Variants in SAXO1 observed in about 807,000 individuals in gnomAD.
SAXO1 encodes the protein 4930500O09Rik.
Under a neutral mutation model 17.5 loss-of-function variants are expected in SAXO1, and 21 were observed. The ratio of observed to expected loss-of-function variants is 1.20; its 90% confidence interval spans 0.85 to 1.72. SAXO1 has a LOEUF of 1.72. Among genes scored for constraint, SAXO1 ranks in the 40% most tolerant of loss-of-function variants. The pLI, the probability that SAXO1 is intolerant of heterozygous loss-of-function variation, is 0.00. For synonymous variants in SAXO1, 274 were observed against 216.5 expected (o/e 1.27, Z -2.33); for missense variants, 843 against 596.0 (o/e 1.41, Z -4.32).
chr9:19,003,412 C>A (rs748866181), intron 1 of SAXO1, among the ~76,000 whole-genome samples: 17 of 152,096 alleles, frequency 1.1e-4, no homozygotes, highest in Non-Finnish European at 1.9e-4. Flanking sequence ...TCATATGGAA[C>A]CAAAAAAGAG....
At chr9:18,957,316 G>A (rs369132303) in intron 1 of SAXO1, among the ~76,000 whole-genome samples, 7 of 152,280 alleles carry the variant, frequency 4.6e-5, no homozygotes, top group African/African-American at 1.7e-4. Context: ...GAAATAAAAT[G>A]GAACGCTAGA....
intron 3 of SAXO1, 142 bp from the exon 4 acceptor site, chr9:18,929,197 C>T: frequency 1.1e-6 from 1 of 933,480 alleles, no homozygotes; most frequent in Non-Finnish European, 1.6e-6. Context: ...TCCCTGCTAC[C>T]ACTTCATTCA....
intron 3 of SAXO1, among the ~76,000 whole-genome samples, chr9:18,930,025 G>A (rs1029483161): frequency 6.6e-6 from 1 of 152,198 alleles, no homozygotes; most frequent in Non-Finnish European, 1.5e-5. Context: ...GAGGAGCTAA[G>A]AAACTTGCCC....
intron 1 of SAXO1, among the ~76,000 whole-genome samples, chr9:18,962,221 C>A (rs1023810094): frequency 6.6e-6 from 1 of 152,208 alleles, no homozygotes; most frequent in Non-Finnish European, 1.5e-5. Flanking sequence ...GCATGTGCCA[C>A]CACACCCGGC....
chr9:19,034,441 C>T (rs981650661), upstream of SAXO1, among the ~76,000 whole-genome samples: 7 of 152,106 alleles, frequency 4.6e-5, no homozygotes, highest in Admixed American at 3.3e-4. Flanking sequence ...ACAAATGAAA[C>T]TTACCTAAAA....
intron 3 of SAXO1, among the ~76,000 whole-genome samples, chr9:18,939,160 C>T (rs142060277): frequency 6.6e-6 from 1 of 152,318 alleles, no homozygotes; most frequent in Non-Finnish European, 1.5e-5. Flanking sequence ...TTATTCCCTC[C>T]ACCCATCGTG....
Position 19,001,715 on chromosome 9 carries a change from G to A in SAXO1, c.38+31156C>T, listed in dbSNP as rs1050838262. 5.3e-5 allele frequency among the ~76,000 whole-genome samples: 8 copies of A among 150,920 alleles called. No individual in the cohort carries two copies. The East Asian group carries it at 1.2e-3, about 22-fold the overall frequency. On this transcript the variant is annotated intron_variant, in intron 1 of 3. Transcript: ENST00000380534. The stretch of plus-strand genomic sequence containing the variant: ...AAACCAATGAGAACAAAGACACAAC[G>A]TACCAGAATATCTGAGACACATTTA...
intron 1 of SAXO1, among the ~76,000 whole-genome samples, chr9:19,044,594 T>A (rs1253439283): frequency 6.6e-6 from 1 of 152,158 alleles, no homozygotes; most frequent in Non-Finnish European, 1.5e-5. Context: ...GCGGGCGCGG[T>A]AGCTCACGCC....
intron 1 of SAXO1, among the ~76,000 whole-genome samples, chr9:19,011,419 C>A (rs1197189487): frequency 6.6e-6 from 1 of 152,184 alleles, no homozygotes; most frequent in Non-Finnish European, 1.5e-5. Flanking sequence ...CAAAACATGG[C>A]TGAAAGAGAC....
chr9:18,928,855 TGTA>T lies in SAXO1; in HGVS notation c.619_621del (p.Tyr207del), dbSNP rs780715421. 4 of 1,614,000 alleles carry T rather than the reference TGTA, an allele frequency of 2.5e-6. No individual in the cohort carries two copies. The African/African-American group carries it at 5.3e-5, about 22-fold the overall frequency. On this transcript the variant is annotated inframe_deletion, in exon 4 of 4. Coordinates refer to ENST00000380534, the MANE Select transcript of SAXO1 (RefSeq NM_153707.4). ...ACGGGGTGGGCCACATAGCTCATCT[TGTA>T]GTTAGTCACATCCTCCAAGGGGATG...
chr9:18,970,332 C>G (rs1192961726), intron 1 of SAXO1, among the ~76,000 whole-genome samples: 2 of 152,206 alleles, frequency 1.3e-5, no homozygotes, highest in African/African-American at 2.4e-5. Context: ...TCCACAAGTC[C>G]CTTTCCTCAT....
At chr9:18,990,769 C>G (rs115742551) in intron 1 of SAXO1, among the ~76,000 whole-genome samples, 2 of 152,168 alleles carry the variant, frequency 1.3e-5, no homozygotes, top group Admixed American at 1.3e-4. Context: ...CAAACCCTAT[C>G]AGTGAACTGC....
At chr9:18,981,501 C>G (rs1406430312) in intron 1 of SAXO1, among the ~76,000 whole-genome samples, 1 of 152,162 alleles carries the variant, frequency 6.6e-6, no homozygotes, top group Non-Finnish European at 1.5e-5. Flanking sequence ...GGCTAAAGCC[C>G]CTCACACAGA....
intron 1 of SAXO1, among the ~76,000 whole-genome samples, chr9:18,986,582 C>A (rs12552916): frequency 0.075 from 11,240 of 150,236 alleles, 510 homozygotes; most frequent in Admixed American, 0.11. Flanking sequence ...TGTAGCATAA[C>A]AGAACTCAAG....
chr9:19,039,049 A>G (rs1359927920), intron 1 of SAXO1, among the ~76,000 whole-genome samples: 4 of 152,066 alleles, frequency 2.6e-5, no homozygotes, highest in Non-Finnish European at 5.9e-5. Flanking sequence ...TACCATCTGA[A>G]AAGCAACTCT....
At chr9:19,011,123 AAAGTT>A (rs1239126269) in intron 1 of SAXO1, among the ~76,000 whole-genome samples, 1 of 152,228 alleles carries the variant, frequency 6.6e-6, no homozygotes, top group Non-Finnish European at 1.5e-5. Context: ...TAAAAAAGTA[AAAGTT>A]AAGTATTCTA....
At chr9:19,019,346 CTAGAGA>C (rs567824243) in intron 1 of SAXO1, among the ~76,000 whole-genome samples, 269 of 152,072 alleles carry the variant, frequency 1.8e-3, no homozygotes, top group African/African-American at 6.2e-3. Flanking sequence ...GAAAGTGATC[CTAGAGA>C]TAATTTTGTC....
intron 1 of SAXO1, among the ~76,000 whole-genome samples, chr9:18,994,868 G>A (rs895828364): frequency 2.6e-5 from 4 of 152,190 alleles, no homozygotes; most frequent in Non-Finnish European, 5.9e-5. Context: ...CAGGCTGCCA[G>A]CATCTCCTCT....
chr9:19,023,731 A>C (rs1223758248), intron 1 of SAXO1, among the ~76,000 whole-genome samples: 1 of 152,210 alleles, frequency 6.6e-6, no homozygotes, highest in Non-Finnish European at 1.5e-5. Context: ...AAACATTAAC[A>C]GATTTAAAGT....
Sources: gnomAD v4.1 joint callset for allele counts (sites outside exome capture counted in the v4.1 genomes callset) on GRCh38, gnomAD v4.1.1 for gene constraint, MANE v1.5 for transcripts, NCBI Gene and HGNC (gene_info 2026-07-23, HGNC 2026-07-21) for gene names.